Variants in CDCA5 observed in about 807,000 individuals in gnomAD.
CDCA5 encodes the protein sororin.
CDCA5 carries 14 observed loss-of-function variants against 25.7 expected under a neutral mutation model. The observed-to-expected ratio is 0.54, with a 90% CI of 0.36 to 0.85. CDCA5 has a LOEUF of 0.85. Among genes scored for constraint, CDCA5 ranks in the 40% least tolerant of loss-of-function variants. The pLI is 0.01. For missense variants in CDCA5, 307 were observed against 324.5 expected (o/e 0.95, Z 0.41); for synonymous variants, 127 against 128.7 (o/e 0.99, Z 0.09).
chr11:65,079,210 C>G (rs1173788399), intron 5 of CDCA5, 23 bp from the exon 6 acceptor site: 1 of 1,538,242 alleles, frequency 6.5e-7, no homozygotes, highest in Non-Finnish European at 8.7e-7. Flanking sequence ...AAATGAGGAG[C>G]AGGTGAGTGA....
At chr11:65,081,858 T>C (rs111734219) in intron 4 of CDCA5, among the ~76,000 whole-genome samples, 81 of 152,056 alleles carry the variant, frequency 5.3e-4, no homozygotes, top group Non-Finnish European at 7.2e-4. Context: ...CATGTGACTA[T>C]AGTCCCAGCT....
chr11:65,076,672 G>A (rs1947451626), downstream of CDCA5, among the ~76,000 whole-genome samples: 1 of 152,188 alleles, frequency 6.6e-6, no homozygotes, highest in South Asian at 2.1e-4. Flanking sequence ...AGGCTGGTCT[G>A]TGCCACCTGC....
downstream of CDCA5, among the ~76,000 whole-genome samples, chr11:65,061,627 T>C (rs1285904751): frequency 6.6e-6 from 1 of 151,656 alleles, no homozygotes; most frequent in African/African-American, 2.4e-5. Flanking sequence ...ACAAAAAAAT[T>C]AGCCGGGCGT....
chr11:65,071,054 G>A, intron 1 of CDCA5, among the ~76,000 whole-genome samples: 1 of 150,282 alleles, frequency 6.7e-6, no homozygotes, highest in Non-Finnish European at 1.5e-5. Flanking sequence ...CCATTCTCCT[G>A]CCTCAGCCTC....
downstream of CDCA5, among the ~76,000 whole-genome samples, chr11:65,075,639 T>C (rs1947430396): frequency 6.6e-6 from 1 of 152,142 alleles, no homozygotes. Flanking sequence ...TGTGACTGTG[T>C]CAGCTGGTGG....
At chr11:65,073,950 C>T (rs1052878972), downstream of CDCA5, among the ~76,000 whole-genome samples, 2 of 152,096 alleles carry the variant, frequency 1.3e-5, no homozygotes, top group Non-Finnish European at 2.9e-5. Flanking sequence ...TCCTGGTTGC[C>T]GGGATCAGGG....
chr11:65,074,718 G>A (rs1439712021), downstream of CDCA5, among the ~76,000 whole-genome samples: 5 of 139,614 alleles, frequency 3.6e-5, no homozygotes, highest in East Asian at 4.2e-4. Flanking sequence ...CAGCCTGGGC[G>A]ACGGAGCCAG....
chr11:65,079,820 T>C, intron 4 of CDCA5, 33 bp from the exon 5 acceptor site: 1 of 1,430,992 alleles, frequency 7.0e-7, no homozygotes, highest in Non-Finnish European at 9.2e-7. Flanking sequence ...ATGCCCTCAA[T>C]ACTTAGCTGG....
intron 1 of CDCA5, among the ~76,000 whole-genome samples, chr11:65,070,987 G>A (rs1248892945): frequency 4.6e-5 from 7 of 150,738 alleles, no homozygotes; most frequent in African/African-American, 1.7e-4. Context: ...TGTTGCCCAG[G>A]CTGGAGTGCA....
intron 4 of CDCA5, chr11:65,083,107 T>A (rs922726953): frequency 1.8e-6 from 1 of 547,772 alleles, no homozygotes; most frequent in Non-Finnish European, 3.3e-6. Context: ...AGAAAGGCAG[T>A]ACGTGGAGTT....
chr11:65,078,873 A>G lies in CDCA5; in HGVS notation c.*234T>C, dbSNP rs1249148833. ...ACTTTGGGGAGATAGGAAGGACAGG[A>G]CGACAAGAGACAGGACACCAGTGAG... On this transcript the variant is annotated 3_prime_UTR_variant, in exon 6 of 6. Coordinates refer to ENST00000275517, the MANE Select transcript of CDCA5 (RefSeq NM_080668.4). The G allele has an allele frequency of 8.1e-7, 1 of 1,232,238 alleles. No individual in the cohort carries two copies. Among genetic ancestry groups the G allele is most frequent in the Non-Finnish European group, 1.0e-6 (1 of 987,400 alleles). The allele number at this position is 1,232,238 out of a possible 1,614,324, so 76.3% of individuals were successfully genotyped here. A position where few individuals can be genotyped will look rare whatever the true frequency, so the allele number is the denominator to read the frequency against.
At chr11:65,061,636 G>A (rs1170908904), downstream of CDCA5, among the ~76,000 whole-genome samples, 3 of 151,726 alleles carry the variant, frequency 2.0e-5, no homozygotes, top group African/African-American at 4.8e-5. Context: ...TTAGCCGGGC[G>A]TGGTGGCGGG....
At chr11:65,066,069 C>T (rs1331515676), downstream of CDCA5, among the ~76,000 whole-genome samples, 1 of 152,128 alleles carries the variant, frequency 6.6e-6, no homozygotes. Context: ...ATCTTGGGAA[C>T]ATCGCCCTTG....
rs556255445 is a variant in CDCA5, at chr11:65,077,989, A to G, written c.*1118T>C. The G allele has an allele frequency of 7.1e-6, 7 of 985,476 alleles. No homozygotes were observed. The African/African-American group carries it at 1.0e-4, about 15-fold the overall frequency. 61.0% of individuals were successfully genotyped at this position (985,476 alleles called of 1,614,324 possible). ...CACACTATTGAATCCACACGATGGA[A>G]AGAAGAGAAAGATGGGGAAATTCTC... On this transcript the variant is annotated 3_prime_UTR_variant, in exon 6 of 6. Transcript: ENST00000275517.
intron 1 of CDCA5, among the ~76,000 whole-genome samples, chr11:65,072,059 C>T (rs986582521): frequency 2.0e-5 from 3 of 152,252 alleles, no homozygotes; most frequent in African/African-American, 7.2e-5. Flanking sequence ...GGGTTAATCA[C>T]AGGCTGGGTA....
intron 2 of CDCA5, chr11:65,068,177 T>A: frequency 8.9e-7 from 1 of 1,118,306 alleles, no homozygotes; most frequent in Non-Finnish European, 1.2e-6. Flanking sequence ...CCCAAGAGCC[T>A]GGGTCCTCCC....
At chr11:65,070,972 C>G (rs1364745120) in intron 1 of CDCA5, among the ~76,000 whole-genome samples, 1 of 145,188 alleles carries the variant, frequency 6.9e-6, no homozygotes, top group South Asian at 2.2e-4. Flanking sequence ...GACAGAGTCT[C>G]GCTCTGTTGC....
chr11:65,079,342 C>T lies in CDCA5; in HGVS notation c.678+11G>A, dbSNP rs757274548. The T allele has an allele frequency of 3.7e-6, 6 of 1,614,120 alleles. No individual in the cohort carries two copies. The highest frequency in any genetic ancestry group is 1.1e-5 in the South Asian group (1 of 91,068). On this transcript the variant is annotated intron_variant, in intron 5 of 5. Transcript: ENST00000275517. ...GCACACGGCAGAGAAAAACCCCTGC[C>T]TCTCACTCACCAAGATCTCTGGCAT...
chr11:65,066,162 G>T (rs914333334), downstream of CDCA5: 3 of 240,192 alleles, frequency 1.2e-5, no homozygotes, highest in South Asian at 5.9e-5. Context: ...GTCGGGGAGG[G>T]GTAGATGCAG....
Sources: allele counts gnomAD v4.1 joint callset (sites outside exome capture counted in the v4.1 genomes callset), GRCh38; gene constraint gnomAD v4.1.1; transcripts MANE v1.5; gene names NCBI Gene and HGNC (gene_info 2026-07-23, HGNC 2026-07-21).